The following USP42 variants were observed in gnomAD, a reference collection of about 807,000 sequenced individuals.
USP42 encodes ubiquitin carboxyl-terminal hydrolase 42.
In USP42, 23 loss-of-function variants were observed where a neutral mutation model predicts 113.0. That is an observed-to-expected ratio of 0.20 (90% CI 0.15 to 0.29). The LOEUF (loss-of-function observed/expected upper bound fraction) is 0.29. Ranked by LOEUF, USP42 falls within the 10% of genes least tolerant of loss-of-function variation. The pLI, the probability that USP42 is intolerant of heterozygous loss-of-function variation, is 1.00. For missense variants in USP42, 2,174 were observed against 1,779.8 expected (o/e 1.22, Z -3.99); for synonymous variants, 933 against 699.0 (o/e 1.33, Z -5.28).
At chr7:6,119,276 TAGC>T (rs1326014938) in intron 3 of USP42, among the ~76,000 whole-genome samples, 1 of 151,924 alleles carries the variant, frequency 6.6e-6, no homozygotes, top group Non-Finnish European at 1.5e-5. Context: ...AGTTATGCTG[TAGC>T]CTGGGCAACA....
chr7:6,092,653 G>C, the USP42 span, among the ~76,000 whole-genome samples: 1 of 151,320 alleles, frequency 6.6e-6, no homozygotes, highest in South Asian at 2.1e-4. Flanking sequence ...TCTCTGGAAA[G>C]TAGGCACAGC....
Position 6,139,872 on chromosome 7 carries a change from G to C in USP42, c.657-256G>C. On this transcript the variant is annotated intron_variant, in intron 5 of 17. Transcript: ENST00000306177. This position sits in a 1 kb window ranked among gnomAD's most constrained non-coding sequence, Gnocchi z 4.5. ...CTTCCTGCTTCAGGACCAGACTCCT[G>C]CCTTGCTTCCCGAGTCCCTTCCTGA... 1 of 540,928 alleles carries C rather than the reference G, an allele frequency of 1.8e-6. No homozygotes were observed. Among genetic ancestry groups the C allele is most frequent in the Admixed American group, 3.3e-5 (1 of 30,750 alleles). The allele number at this position is 540,928 out of a possible 1,614,324, so 33.5% of individuals were successfully genotyped here. A position where few individuals can be genotyped will look rare whatever the true frequency, so the allele number is the denominator to read the frequency against.
chr7:6,103,363 T>G (rs1320848149), upstream of USP42, among the ~76,000 whole-genome samples: 1 of 150,348 alleles, frequency 6.7e-6, no homozygotes, highest in Non-Finnish European at 1.5e-5. Flanking sequence ...ATGGTGAAAC[T>G]CTGTCTCTAC....
chr7:6,130,785 C>T (rs1306867538), intron 3 of USP42, among the ~76,000 whole-genome samples: 1 of 151,992 alleles, frequency 6.6e-6, no homozygotes, highest in Admixed American at 6.6e-5. Flanking sequence ...AAGAGAGGCT[C>T]AGGAAGACAA....
chr7:6,085,187 T>C, the USP42 span: 1 of 150,996 alleles, frequency 6.6e-6, no homozygotes, highest in Admixed American at 6.6e-5. Context: ...TGACATGATC[T>C]TCACTTACTG....
In USP42 at chr7:6,115,326, T is replaced by G; in HGVS notation, c.245T>G (p.Leu82Arg). The change falls in exon 3 of 18, where the codon CTA becomes CGA. Residue 82 changes from leucine (L) to arginine (R), a missense_variant. Transcript: ENST00000306177. ...TCTTTCTTGTTTATTTTTCTAGCCC[T>G]AGGTGATGGCATCGCTCCTCCACAG... ...SKPSPQKDQALGDGIAPPQKV... is the reference protein window; with the variant it reads ...SKPSPQKDQARGDGIAPPQKV... 6.2e-7 allele frequency: 1 copy of G among 1,613,914 alleles called. No homozygotes were observed. The highest frequency in any genetic ancestry group is 8.5e-7 in the Non-Finnish European group (1 of 1,179,862).
chr7:6,098,119 G>T, the USP42 span, among the ~76,000 whole-genome samples: 1 of 147,848 alleles, frequency 6.8e-6, no homozygotes, highest in African/African-American at 2.5e-5. Flanking sequence ...TGGCCAGGAT[G>T]GTCTTGATCT....
intron 9 of USP42, among the ~76,000 whole-genome samples, chr7:6,145,125 C>T (rs1583659304): frequency 2.0e-5 from 3 of 151,860 alleles, no homozygotes; most frequent in Non-Finnish European, 2.9e-5. Context: ...CGAGGTCAGG[C>T]GTTCAAGACC....
the USP42 span, among the ~76,000 whole-genome samples, chr7:6,097,754 C>T: frequency 2.0e-5 from 3 of 149,984 alleles, no homozygotes; most frequent in African/African-American, 5.0e-5. Context: ...CCATGCCCCG[C>T]TAATTTTTTG....
chr7:6,140,082 G>A, intron 5 of USP42, 46 bp from the exon 6 acceptor site: 1 of 1,565,706 alleles, frequency 6.4e-7, no homozygotes, highest in South Asian at 1.1e-5. Flanking sequence ...AGCATCTGGA[G>A]TTTTTGCAAA....
intron 6 of USP42, among the ~76,000 whole-genome samples, chr7:6,140,433 G>A (rs10046499): frequency 0.073 from 11,120 of 152,156 alleles, 507 homozygotes; most frequent in African/African-American, 0.12. Flanking sequence ...TTGTCTCTTC[G>A]TATTAGCAGT....
intron 3 of USP42, among the ~76,000 whole-genome samples, chr7:6,117,338 T>C (rs936787784): frequency 2.6e-5 from 4 of 152,228 alleles, no homozygotes; most frequent in Non-Finnish European, 5.9e-5. Context: ...TCACTCAGCA[T>C]AATCCTGTCA....
At position 6,149,569 on chromosome 7, in the gene USP42, C is replaced by G; in HGVS notation, c.1387-14C>G. 6.2e-7 allele frequency: 1 copy of G among 1,605,908 alleles called. No individual in the cohort carries two copies. Among genetic ancestry groups the G allele is most frequent in the Non-Finnish European group, 8.5e-7 (1 of 1,174,638 alleles). ...TTCTGGAGCTCTGACCAGGTGCGCT[C>G]TGCTTACTTCCAGAATCCACCTCAC... On this transcript the variant is annotated splice_polypyrimidine_tract_variant and intron_variant, in intron 12 of 17. Transcript: ENST00000306177.
chr7:6,116,993 CCTTCCTCCCTCT>C, intron 3 of USP42: 1 of 416,462 alleles, frequency 2.4e-6, no homozygotes, highest in Non-Finnish European at 4.7e-6. Context: ...TCCCTCCCTC[CCTTCCTCCCTCT>C]CTTTCTCTCT....
At chr7:6,085,603 A>AATAT in the USP42 span, among the ~76,000 whole-genome samples, 6 of 143,324 alleles carry the variant, frequency 4.2e-5, no homozygotes, top group South Asian at 6.4e-4. Context: ...AATATATACA[A>AATAT]ATATATATAT....
At chr7:6,084,522 C>T in the USP42 span, 1 of 151,174 alleles carries the variant, frequency 6.6e-6, no homozygotes, top group Non-Finnish European at 1.5e-5. Flanking sequence ...CCAGCCTTGC[C>T]CCAGGATATT....
upstream of USP42, among the ~76,000 whole-genome samples, chr7:6,101,652 C>A (rs1405870962): frequency 6.6e-6 from 1 of 151,082 alleles, no homozygotes; most frequent in Non-Finnish European, 1.5e-5. Flanking sequence ...GTGGTGCTAG[C>A]TCCTTAGAGG....
Position 6,141,057 on chromosome 7 carries a change from A to G in USP42, c.795+73A>G, listed in dbSNP as rs974710055. The G allele has an allele frequency of 5.5e-6, 4 of 731,718 alleles. No homozygotes were observed. In the African/African-American group the frequency reaches 7.4e-5, roughly 14 times the overall value. The allele number at this position is 731,718 out of a possible 1,614,324, so 45.3% of individuals were successfully genotyped here. On this transcript the variant is annotated intron_variant, in intron 7 of 17. Coordinates refer to ENST00000306177, the MANE Select transcript of USP42 (RefSeq NM_032172.3). ...TTTATGTAACTGTAGTTCATTTATA[A>G]TTTAGACTACTTGTTAGAGAATATA...
rs1382550386 is a variant in USP42 at position 6,154,239 on chromosome 7, C to T, written c.2685C>T (p.Ala895=). The T allele has an allele frequency of 2.5e-6, 4 of 1,605,302 alleles. No homozygotes were observed. Among genetic ancestry groups the T allele is most frequent in the East Asian group, 2.2e-5 (1 of 44,726 alleles). Residue 895 remains alanine, a synonymous_variant, in exon 15 of 18, where the codon GCC becomes GCT. Transcript: ENST00000306177. ...CCCAGAGCTTGGGCGCACCCGAGGC[C>T]GCAGAGCGGCCGCCAGCTCCTGTGC... The part of the protein sequence containing the change: ...DPSQSLGAPE[A]AERPPAPVLD...
Sources: allele counts gnomAD v4.1 joint callset (sites outside exome capture counted in the v4.1 genomes callset), GRCh38; gene constraint gnomAD v4.1.1; non-coding constraint Gnocchi (gnomAD v3.1); transcripts MANE v1.5; gene names NCBI Gene and HGNC (gene_info 2026-07-23, HGNC 2026-07-21).